ZSCAN5A: variants seen among roughly 807,000 people sequenced by gnomAD.
ZSCAN5A encodes zinc finger and SCAN domain-containing protein 5A.
In ZSCAN5A, 12 loss-of-function variants were observed where a neutral mutation model predicts 23.7. That is an observed-to-expected ratio of 0.51 (90% CI 0.32 to 0.82). The LOEUF is 0.82. Among genes scored for constraint, ZSCAN5A ranks in the 40% least tolerant of loss-of-function variants. ZSCAN5A has a pLI of 0.03. For synonymous variants in ZSCAN5A, 257 were observed against 239.9 expected, an observed-to-expected ratio of 1.07 and a Z score of -0.66; for missense variants, 597 against 617.9, an observed-to-expected ratio of 0.97 and a Z score of 0.36.
At chr19:56,323,640 G>T (rs570851261) in intron 2 of ZSCAN5A, among the ~76,000 whole-genome samples, 1 of 150,290 alleles carries the variant, frequency 6.7e-6, no homozygotes, top group Non-Finnish European at 1.5e-5. Context: ...GGGTTCAAGC[G>T]ATTCTCCTGC....
intron 2 of ZSCAN5A, among the ~76,000 whole-genome samples, chr19:56,238,109 C>T (rs377679076): frequency 0.039 from 4,783 of 123,548 alleles, 128 homozygotes; most frequent in Non-Finnish European, 0.061. Context: ...GAAACACATA[C>T]GAACACACAC....
chr19:56,329,377 A>G (rs117017528), intron 2 of ZSCAN5A, among the ~76,000 whole-genome samples: 5,530 of 152,058 alleles, frequency 0.036, 146 homozygotes, highest in South Asian at 0.08. Flanking sequence ...CAAACAAACA[A>G]ACAAAAGTTG....
intron 2 of ZSCAN5A, among the ~76,000 whole-genome samples, chr19:56,269,032 G>A (rs956677888): frequency 1.1e-4 from 16 of 152,122 alleles, no homozygotes; most frequent in Admixed American, 5.9e-4. Flanking sequence ...ATCTATTGAT[G>A]GACATTCGAA....
intron 2 of ZSCAN5A, among the ~76,000 whole-genome samples, chr19:56,328,571 T>G (rs991476594): frequency 6.6e-6 from 1 of 151,164 alleles, no homozygotes; most frequent in Admixed American, 6.6e-5. Context: ...GAACCGAGGA[T>G]TGCAGTGAGC....
rs374259394 is a variant in ZSCAN5A, at chr19:56,281,649, T to C, written c.-128+31634A>G. 2.9e-5 allele frequency: 28 copies of C among 980,244 alleles called. No homozygotes were observed. In the East Asian group the frequency reaches 1.0e-3, roughly 36 times the overall value. The allele number at this position is 980,244 out of a possible 1,614,324, so 60.7% of individuals were successfully genotyped here. A position where few individuals can be genotyped will look rare whatever the true frequency, so the allele number is the denominator to read the frequency against. ...TTAATTCCACTCTCTTCCTTGAATT[T>C]TCCATGTTGATTCACTGGCTCCTGG... On this transcript the variant is annotated intron_variant, in intron 2 of 5. Coordinates refer to ENST00000683990, the MANE Select transcript of ZSCAN5A (RefSeq NM_001322064.3).
intron 2 of ZSCAN5A, chr19:56,322,452 G>A (rs1333772781): frequency 2.0e-5 from 11 of 558,378 alleles, no homozygotes; most frequent in Non-Finnish European, 3.5e-5. Context: ...AGAGCTCAGA[G>A]CCCTCGCCTG....
intron 2 of ZSCAN5A, among the ~76,000 whole-genome samples, chr19:56,349,562 G>A (rs898386756): frequency 2.6e-5 from 4 of 151,714 alleles, no homozygotes; most frequent in Non-Finnish European, 4.4e-5. Context: ...CAAATTAGCC[G>A]GGTGCAGTGG....
intron 2 of ZSCAN5A, chr19:56,343,283 G>A: frequency 2.5e-6 from 2 of 784,970 alleles, no homozygotes; most frequent in Non-Finnish European, 4.1e-6. Flanking sequence ...GGCTTTGCCA[G>A]GAGAAGCCAC....
At chr19:56,233,599 T>C (rs2034639775) in intron 2 of ZSCAN5A, among the ~76,000 whole-genome samples, 1 of 145,774 alleles carries the variant, frequency 6.9e-6, no homozygotes, top group African/African-American at 2.6e-5. Flanking sequence ...CCTATACTTT[T>C]CTATGAAATC....
chr19:56,302,555 C>CCCT (rs1165919335), intron 2 of ZSCAN5A, among the ~76,000 whole-genome samples: 3 of 95,628 alleles, frequency 3.1e-5, no homozygotes, highest in East Asian at 2.9e-4. Flanking sequence ...GTTCCTCCCT[C>CCCT]CCTCCCCCCT....
At chr19:56,270,888 G>GC (rs2037799999) in intron 2 of ZSCAN5A, among the ~76,000 whole-genome samples, 1 of 152,140 alleles carries the variant, frequency 6.6e-6, no homozygotes, top group Admixed American at 6.5e-5. Context: ...TGTCAGCTGT[G>GC]CCAATGGTGA....
In ZSCAN5A at chr19:56,351,970, T is replaced by C. The variant is rs2041670092; in HGVS notation, c.-358+11265A>G. ...GCGGGATGAAGATGTCATTACACTT[T>C]CTTACCCAAAGTCAGGTAGGGAAGT... On this transcript the variant is annotated intron_variant, in intron 2 of 6. Coordinates refer to the ZSCAN5A transcript ENST00000587340. This position sits in a 1 kb window ranked among gnomAD's most constrained non-coding sequence, Gnocchi z 4.8. 6.6e-6 allele frequency among the ~76,000 whole-genome samples: 1 copy of C among 152,182 alleles called. No homozygotes were observed. Among genetic ancestry groups the C allele is most frequent in the African/African-American group, 2.4e-5 (1 of 41,462 alleles).
chr19:56,335,302 A>G (rs971586481), intron 2 of ZSCAN5A, among the ~76,000 whole-genome samples: 3 of 152,218 alleles, frequency 2.0e-5, no homozygotes, highest in African/African-American at 7.2e-5. Context: ...GGGATTGTGT[A>G]AAGAGAACAA....
At position 56,357,117 on chromosome 19, in the gene ZSCAN5A, C is replaced by T. The variant is rs1473331453; in HGVS notation, c.-358+6118G>A. Among the ~76,000 whole-genome samples the T allele has an allele frequency of 2.7e-5, 4 of 148,796 alleles. No individual in the cohort carries two copies. The South Asian group carries it at 6.5e-4, about 24-fold the overall frequency. ...TGAGAAGTCAGGGGGCCTTCTTCTC[C>T]TCTTTCTCCACTGTCTGTGACGTGT... On this transcript the variant is annotated intron_variant, in intron 2 of 6. Coordinates refer to the ZSCAN5A transcript ENST00000587340.
At chr19:56,254,669 C>T (rs2036578991) in intron 2 of ZSCAN5A, among the ~76,000 whole-genome samples, 1 of 152,014 alleles carries the variant, frequency 6.6e-6, no homozygotes, top group Admixed American at 6.6e-5. Flanking sequence ...GGCTGCCATG[C>T]TGTTTTCCTT....
In ZSCAN5A at chr19:56,299,882, A is replaced by T. The variant is rs1321610807; in HGVS notation, c.-128+13401T>A. On this transcript the variant is annotated intron_variant, in intron 2 of 5. Coordinates refer to ENST00000683990, the MANE Select transcript of ZSCAN5A (RefSeq NM_001322064.3). ...GAGGGTGTAGAACATGTTCCCTCTG[A>T]GATCACAGATGAGACGTTCTTGCTA... 6 of 152,324 alleles carry T rather than the reference A, an allele frequency of 3.9e-5. No individual in the cohort carries two copies. The South Asian group carries it at 1.2e-3, about 32-fold the overall frequency. The allele number at this position is 152,324 out of a possible 1,614,324, so 9.4% of individuals were successfully genotyped here.
chr19:56,363,756 C>T (rs1327244501), intron 1 of ZSCAN5A, among the ~76,000 whole-genome samples: 1 of 152,174 alleles, frequency 6.6e-6, no homozygotes, highest in Non-Finnish European at 1.5e-5. Flanking sequence ...GGTTATTTGG[C>T]AGAAGAAATT....
chr19:56,227,414 C>T (rs554153280), intron 2 of ZSCAN5A, among the ~76,000 whole-genome samples: 10 of 152,342 alleles, frequency 6.6e-5, no homozygotes, highest in Admixed American at 2.6e-4. Context: ...GCGCCTGCTG[C>T]TGCTCAGGAG....
chr19:56,302,649 C>A (rs1265538775), intron 2 of ZSCAN5A, among the ~76,000 whole-genome samples: 68 of 119,606 alleles, frequency 5.7e-4, no homozygotes, highest in Non-Finnish European at 2.9e-4. Context: ...TCCTTTTCTT[C>A]CCCCCCTCCC....
Sources: gnomAD v4.1 joint callset for allele counts (sites outside exome capture counted in the v4.1 genomes callset) on GRCh38, gnomAD v4.1.1 for gene constraint, Gnocchi (gnomAD v3.1) non-coding constraint, MANE v1.5 for transcripts, NCBI Gene and HGNC (gene_info 2026-07-23, HGNC 2026-07-21) for gene names.